Variants in PDCD7 observed in about 807,000 individuals in gnomAD.
PDCD7 encodes programmed cell death protein 7.
In PDCD7, 40 loss-of-function variants were observed where a neutral mutation model predicts 42.1. That is an observed-to-expected ratio of 0.95 (90% CI 0.74 to 1.24). The LOEUF (loss-of-function observed/expected upper bound fraction) is 1.24. Ranked by LOEUF, PDCD7 falls within the 50% of genes most tolerant of loss-of-function variation. The probability of loss-of-function intolerance (pLI) is 0.00; values close to 1 mark genes in which losing one functional copy is unlikely to be tolerated. For synonymous variants in PDCD7, 299 were observed against 303.3 expected, an observed-to-expected ratio of 0.99 and a Z score of 0.15; for missense variants, 644 against 662.8, an observed-to-expected ratio of 0.97 and a Z score of 0.31.
At chr15:65,123,632 T>G (rs1445650395) in intron 2 of PDCD7, among the ~76,000 whole-genome samples, 1 of 152,206 alleles carries the variant, frequency 6.6e-6, no homozygotes, top group East Asian at 1.9e-4. Context: ...AAGTTGTAAT[T>G]TGGAGGTAGG....
intron 2 of PDCD7, among the ~76,000 whole-genome samples, chr15:65,123,788 A>T (rs1230547267): frequency 6.6e-6 from 1 of 152,176 alleles, no homozygotes; most frequent in Non-Finnish European, 1.5e-5. Flanking sequence ...CTACAACTCA[A>T]ATTTATCTTC....
intron 2 of PDCD7, among the ~76,000 whole-genome samples, chr15:65,125,244 G>T (rs1484734837): frequency 1.3e-5 from 2 of 151,988 alleles, no homozygotes; most frequent in Non-Finnish European, 2.9e-5. Flanking sequence ...TACCTTCCAT[G>T]GGACCTTGAG....
chr15:65,122,929 A>C (rs12906331), intron 2 of PDCD7, among the ~76,000 whole-genome samples: 1 of 151,636 alleles, frequency 6.6e-6, no homozygotes, highest in African/African-American at 2.4e-5. Context: ...TTGAAACCAG[A>C]AAGCGGGGCT....
At chr15:65,130,133 T>C (rs1264107899) in intron 1 of PDCD7, among the ~76,000 whole-genome samples, 2 of 149,184 alleles carry the variant, frequency 1.3e-5, no homozygotes, top group Non-Finnish European at 3.0e-5. Context: ...AGTGAGCCAC[T>C]TCGCACCCGC....
chr15:65,123,291 G>A (rs374897472), intron 2 of PDCD7, among the ~76,000 whole-genome samples: 45 of 152,154 alleles, frequency 3.0e-4, no homozygotes, highest in African/African-American at 1.0e-3. Context: ...GGGTTCAAGC[G>A]ATTCTCCTGC....
intron 1 of PDCD7, among the ~76,000 whole-genome samples, chr15:65,132,676 A>G (rs1040198416): frequency 2.7e-4 from 41 of 152,232 alleles, no homozygotes; most frequent in African/African-American, 9.6e-4. Context: ...GTGCAGTGCC[A>G]CCGTGTAATC....
Position 65,133,370 on chromosome 15 carries a change from G to A in PDCD7, c.412C>T (p.Leu138Phe). The A allele has an allele frequency of 3.3e-6, 4 of 1,224,732 alleles. No homozygotes were observed. The highest frequency in any genetic ancestry group is 4.1e-6 in the Non-Finnish European group (4 of 984,156). The allele number at this position is 1,224,732 out of a possible 1,614,324, so 75.9% of individuals were successfully genotyped here. Residue 138 changes from leucine to phenylalanine, a missense_variant, in exon 1 of 5, where the codon CTC (leucine) becomes TTC (phenylalanine). Leu to Phe is a conservative substitution (Grantham distance 22, BLOSUM62 0). Transcript: ENST00000204549. ...CACTGCCGGTCGCGCAGGCGTTGGA[G>A]GGCCGCATCCCCGAGCACGTCGGCC... ...PPADVLGDAA[L>F]QRLRDRQWLE...
chr15:65,128,941 A>T, intron 2 of PDCD7, 91 bp downstream of exon 2: 2 of 1,425,226 alleles, frequency 1.4e-6, no homozygotes, highest in Non-Finnish European at 1.9e-6. Flanking sequence ...ATGAAGTTTC[A>T]AGTATTTTTC....
chr15:65,122,573 C>A (rs1374670515), intron 2 of PDCD7, among the ~76,000 whole-genome samples: 1 of 152,160 alleles, frequency 6.6e-6, no homozygotes, highest in Non-Finnish European at 1.5e-5. Context: ...TATCCTATTT[C>A]ATCAAATCAA....
rs758908977 is a variant in PDCD7, at chr15:65,119,387, G to A, written c.1323C>T (p.Leu441=). The A allele has an allele frequency of 1.9e-6, 3 of 1,613,212 alleles. No individual in the cohort carries two copies. The highest frequency in any genetic ancestry group is 2.5e-6 in the Non-Finnish European group (3 of 1,179,240). ...YLQAEHSLPA[L]IQIRHDWDQY... ...CCAGCCCCTCTGACCTGATCTGGAT[G>A]AGCGCTGGCAGGGAGTGCTCGGCTT... Residue 441 remains leucine, a synonymous_variant, in exon 4 of 5, where the codon CTC becomes CTT. Transcript: ENST00000204549.
intron 1 of PDCD7, among the ~76,000 whole-genome samples, chr15:65,132,134 A>G (rs1021218421): frequency 6.7e-6 from 1 of 149,398 alleles, no homozygotes; most frequent in Non-Finnish European, 1.5e-5. Flanking sequence ...GTATATATAT[A>G]TATATATATA....
rs2069258579 is a variant in PDCD7 at position 65,118,079 on chromosome 15, A to G, written c.*638T>C. The stretch of plus-strand genomic sequence containing the variant: ...GCCATTGTCCATTAAAATACAATCC[A>G]ATTTGGGTACTCTTCAGGTTTTCTA... On this transcript the variant is annotated 3_prime_UTR_variant, in exon 5 of 5. Coordinates refer to ENST00000204549, the MANE Select transcript of PDCD7 (RefSeq NM_005707.2). The G allele has an allele frequency of 6.6e-6, 1 of 152,166 alleles. No individual in the cohort carries two copies. 9.4% of individuals were successfully genotyped at this position (152,166 alleles called of 1,614,324 possible). A position where few individuals can be genotyped will look rare whatever the true frequency, so the allele number is the denominator to read the frequency against.
chr15:65,119,618 G>A, intron 3 of PDCD7, 100 bp downstream of exon 3: 1 of 1,323,788 alleles, frequency 7.6e-7, no homozygotes, highest in Non-Finnish European at 1.1e-6. Flanking sequence ...TCTGGAAGGT[G>A]TCATTTGTTG....
Position 65,133,724 on chromosome 15 carries a change from G to A in PDCD7, c.58C>T (p.Pro20Ser). Residue 20 changes from proline to serine, a missense_variant, in exon 1 of 5, where the codon CCG (proline) becomes TCG (serine). By Grantham distance (74) the Pro-to-Ser change is moderately conservative. Transcript: ENST00000204549. ...GGACAGCCGAAAGGAGCAGGAGGCG[G>A]CGGCTGCGGGGGCGGTGGGCCTGGG... Reference protein sequence around the residue: ...GRPGPPPPQPPPPAPFGCPPP... With the variant: ...GRPGPPPPQPSPPAPFGCPPP... The A allele has an allele frequency of 1.5e-6, 2 of 1,314,852 alleles. No homozygotes were observed. Among genetic ancestry groups the A allele is most frequent in the Non-Finnish European group, 1.9e-6 (2 of 1,027,706 alleles). The allele number at this position is 1,314,852 out of a possible 1,614,324, so 81.4% of individuals were successfully genotyped here. A position where few individuals can be genotyped will look rare whatever the true frequency, so the allele number is the denominator to read the frequency against.
At chr15:65,126,746 C>A (rs543388135) in intron 2 of PDCD7, among the ~76,000 whole-genome samples, 1 of 149,512 alleles carries the variant, frequency 6.7e-6, no homozygotes, top group African/African-American at 2.5e-5. Flanking sequence ...AGTGCAAGAC[C>A]CTGTCTTTTA....
chr15:65,119,419 A>G lies in PDCD7; in HGVS notation c.1291T>C (p.Tyr431His). Residue 431 changes from tyrosine to histidine, a missense_variant, in exon 4 of 5, where the codon TAT (tyrosine) becomes CAT (histidine). Tyr to His is a moderately conservative substitution (Grantham distance 83). Transcript: ENST00000204549. ...GGCAGGGAGTGCTCGGCTTGGAGATAATACTGTCGGAAAGGCTCCAAGAGG... is the reference window on the plus strand; with the variant it reads ...GGCAGGGAGTGCTCGGCTTGGAGATGATACTGTCGGAAAGGCTCCAAGAGG... ...AHLLEPFRQY[Y>H]LQAEHSLPAL... 2.5e-6 allele frequency: 4 copies of G among 1,614,054 alleles called. No homozygotes were observed. The South Asian group carries it at 3.3e-5, about 13-fold the overall frequency.
intron 2 of PDCD7, among the ~76,000 whole-genome samples, chr15:65,127,978 G>A (rs1015714208): frequency 2.1e-4 from 32 of 152,194 alleles, no homozygotes; most frequent in African/African-American, 7.7e-4. Flanking sequence ...ATCTGTTTCT[G>A]AGGTCTGGAT....
rs192664070 is a variant in PDCD7 at position 65,127,766 on chromosome 15, A to G, written c.1009+1266T>C. Among the ~76,000 whole-genome samples the G allele has an allele frequency of 6.8e-4, 104 of 152,350 alleles. 1 individual carries two copies. Among genetic ancestry groups the G allele is most frequent in the African/African-American group, 2.5e-3 (102 of 41,582 alleles). On this transcript the variant is annotated intron_variant, in intron 2 of 4. Transcript: ENST00000204549. ...AAATTTCCTCCTCCTTTTGGACCAA[A>G]GTGAGGAAGATTAATATTGGGAAAT...
At chr15:65,120,001 G>A (rs1481979217) in intron 2 of PDCD7, 47 bp from the exon 3 acceptor site, 1 of 1,562,172 alleles carries the variant, frequency 6.4e-7, no homozygotes, top group South Asian at 1.2e-5. Context: ...TTTTTTTTGA[G>A]ACAAGGCCTC....
Sources: gnomAD v4.1 joint callset for allele counts (sites outside exome capture counted in the v4.1 genomes callset) on GRCh38, gnomAD v4.1.1 for gene constraint, MANE v1.5 for transcripts, NCBI Gene and HGNC (gene_info 2026-07-23, HGNC 2026-07-21) for gene names.